HIKESHI: variants seen among roughly 807,000 people sequenced by gnomAD.
HIKESHI encodes protein Hikeshi.
A neutral mutation model predicts 25.7 loss-of-function variants in HIKESHI; 13 were observed. The observed-to-expected ratio is 0.51, with a 90% CI of 0.33 to 0.80. The LOEUF is 0.80. HIKESHI is among the 30% of genes least tolerant of loss of function. HIKESHI has a pLI of 0.02. For synonymous variants in HIKESHI, 76 were observed against 78.7 expected, an observed-to-expected ratio of 0.97 and a Z score of 0.18; for missense variants, 174 against 229.5, an observed-to-expected ratio of 0.76 and a Z score of 1.56.
At chr11:86,344,068 A>G (rs981193729) in intron 3 of HIKESHI, 4 of 152,216 alleles carry the variant, frequency 2.6e-5, no homozygotes, top group Admixed American at 6.5e-5. Flanking sequence ...CAGCAATGGA[A>G]ATAACCAGTT....
rs533957570 is a variant in HIKESHI, at chr11:86,310,431, T to C, written c.268+3949T>C. ...ACATTGATTTTGTATCCTGAGACTT[T>C]GCTGAAGTTGCTTATCAGCTTAAGG... On this transcript the variant is annotated intron_variant, in intron 2 of 4. Transcript: ENST00000278483. Among the ~76,000 whole-genome samples, 16 of 152,364 alleles carry C rather than the reference T, an allele frequency of 1.1e-4. No individual in the cohort carries two copies. In the South Asian group the frequency reaches 3.3e-3, roughly 32 times the overall value.
intron 3 of HIKESHI, among the ~76,000 whole-genome samples, chr11:86,338,161 A>G (rs760915053): frequency 6.6e-5 from 10 of 152,076 alleles, no homozygotes; most frequent in Non-Finnish European, 1.5e-4. Context: ...CCTTTGACCA[A>G]CATGTCCTCA....
intron 2 of HIKESHI, among the ~76,000 whole-genome samples, chr11:86,327,999 T>C (rs1947326236): frequency 6.6e-6 from 1 of 152,186 alleles, no homozygotes; most frequent in Non-Finnish European, 1.5e-5. Context: ...AAAGATACAG[T>C]GTACTTCGTA....
intron 2 of HIKESHI, among the ~76,000 whole-genome samples, chr11:86,333,645 A>G (rs932819227): frequency 1.3e-5 from 2 of 152,216 alleles, no homozygotes; most frequent in African/African-American, 4.8e-5. Flanking sequence ...ATGGACAAGT[A>G]GTAAAGGATG....
intron 3 of HIKESHI, among the ~76,000 whole-genome samples, chr11:86,343,079 A>T (rs1201145294): frequency 1.3e-5 from 2 of 152,270 alleles, no homozygotes; most frequent in East Asian, 3.9e-4. Flanking sequence ...ATGTCTTTCC[A>T]TTGAACATGG....
At chr11:86,308,583 A>ATTTATTTATTTATT (rs1555183547) in intron 2 of HIKESHI, among the ~76,000 whole-genome samples, 3 of 149,392 alleles carry the variant, frequency 2.0e-5, no homozygotes, top group African/African-American at 7.6e-5. Context: ...TTATTTATCT[A>ATTTATTTATTTATT]TAATGCTTTA....
chr11:86,338,567 A>G (rs1006291072), intron 3 of HIKESHI, among the ~76,000 whole-genome samples: 1 of 152,166 alleles, frequency 6.6e-6, no homozygotes, highest in South Asian at 2.1e-4. Context: ...AAAAAAGACT[A>G]CTAAATAAGT....
intron 2 of HIKESHI, among the ~76,000 whole-genome samples, chr11:86,308,275 T>C (rs61904306): frequency 5.6e-5 from 6 of 107,274 alleles, no homozygotes; most frequent in African/African-American, 1.6e-4. Context: ...ATGTGTATTA[T>C]ATATAAAATA....
intron 3 of HIKESHI, among the ~76,000 whole-genome samples, chr11:86,340,555 G>A (rs1947696710): frequency 6.6e-6 from 1 of 151,918 alleles, no homozygotes; most frequent in Non-Finnish European, 1.5e-5. Flanking sequence ...GTCTTCTTTT[G>A]AGAAGTGTCT....
At chr11:86,334,335 TAA>T (rs1298821157) in intron 2 of HIKESHI, among the ~76,000 whole-genome samples, 2 of 151,742 alleles carry the variant, frequency 1.3e-5, no homozygotes, top group African/African-American at 4.8e-5. Flanking sequence ...ATACTGAGAA[TAA>T]AGAACTAGCT....
intron 2 of HIKESHI, among the ~76,000 whole-genome samples, chr11:86,310,949 C>G (rs1232262334): frequency 6.6e-6 from 1 of 152,162 alleles, no homozygotes; most frequent in Non-Finnish European, 1.5e-5. Flanking sequence ...TGATGTGCTG[C>G]TGGATTCGGT....
Position 86,337,296 on chromosome 11 carries a change from A to G in HIKESHI, c.269-83A>G, listed in dbSNP as rs1947590428. The G allele has an allele frequency of 2.3e-6, 3 of 1,324,324 alleles. No individual in the cohort carries two copies. The East Asian group carries it at 7.3e-5, about 32-fold the overall frequency. The allele number at this position is 1,324,324 out of a possible 1,614,324, so 82.0% of individuals were successfully genotyped here. On this transcript the variant is annotated intron_variant, in intron 2 of 4. Coordinates refer to ENST00000278483, the MANE Select transcript of HIKESHI (RefSeq NM_016401.4). ...TAAAACTTTTTCATGTATATAAATTAGAGGTTCTTTATAAATTTACAAAGG... is the reference window on the plus strand; with the variant it reads ...TAAAACTTTTTCATGTATATAAATTGGAGGTTCTTTATAAATTTACAAAGG...
At chr11:86,345,506 G>A (rs1947848847) in intron 4 of HIKESHI, 78 bp from the exon 5 acceptor site, 1 of 795,722 alleles carries the variant, frequency 1.3e-6, no homozygotes, top group African/African-American at 1.8e-5. Flanking sequence ...AATTGTTTTG[G>A]ATAAGTCATT....
intron 3 of HIKESHI, chr11:86,343,780 A>G (rs1011341045): frequency 1.3e-5 from 2 of 152,258 alleles, no homozygotes; most frequent in Non-Finnish European, 2.9e-5. Flanking sequence ...TCTCTTGTGT[A>G]GAGAAGAGAA....
At chr11:86,311,840 A>T (rs1055523578) in intron 2 of HIKESHI, among the ~76,000 whole-genome samples, 1 of 152,042 alleles carries the variant, frequency 6.6e-6, no homozygotes, top group African/African-American at 2.4e-5. Context: ...TCAGGAGCAG[A>T]TTGTTCAATT....
chr11:86,344,649 T>G lies in HIKESHI; in HGVS notation c.467T>G (p.Phe156Cys). 6.2e-7 allele frequency: 1 copy of G among 1,611,066 alleles called. No individual in the cohort carries two copies. The highest frequency in any genetic ancestry group is 8.5e-7 in the Non-Finnish European group (1 of 1,178,124). Residue 156 changes from phenylalanine to cysteine, a missense_variant, in exon 4 of 5, where the codon TTT becomes TGT. Coordinates refer to ENST00000278483, the MANE Select transcript of HIKESHI (RefSeq NM_016401.4). ...AATTTCTACAATTTTGCTTCATCAT[T>G]TGCTGTCTCTCAGGCCCAGATGACA... ...LDNFYNFASS[F>C]AVSQAQMTPS...
rs760191235 is a variant in HIKESHI, at chr11:86,344,678, A to G, written c.496A>G (p.Ser166Gly). The G allele has an allele frequency of 1.2e-6, 2 of 1,612,408 alleles. No individual in the cohort carries two copies. Among genetic ancestry groups the G allele is most frequent in the East Asian group, 2.2e-5 (1 of 44,878 alleles). Residue 166 changes from serine (S) to glycine (G), a missense_variant, in exon 4 of 5, where the codon AGC becomes GGC. Ser to Gly is a moderately conservative substitution (Grantham distance 56). Transcript: ENST00000278483. ...TGTCTCTCAGGCCCAGATGACACCA[A>G]GCCCATCTGAAATGTTCATTCCGGC... ...FAVSQAQMTP[S>G]PSEMFIPANV...
At position 86,302,343 on chromosome 11, in the gene HIKESHI, C is replaced by A; in HGVS notation, c.-106C>A. The A allele has an allele frequency of 7.0e-7, 1 of 1,423,258 alleles. No individual in the cohort carries two copies. The highest frequency in any genetic ancestry group is 9.6e-7 in the Non-Finnish European group (1 of 1,037,958). 88.2% of individuals were successfully genotyped at this position (1,423,258 alleles called of 1,614,324 possible). On this transcript the variant is annotated 5_prime_UTR_variant, in exon 1 of 5. Coordinates refer to ENST00000278483, the MANE Select transcript of HIKESHI (RefSeq NM_016401.4). Reference sequence around the variant, plus strand: ...CACTATGTAGTGGAGGGGCAGACACCCTCCCGCAAATTCTGGAAGGTTCTT... The same window carrying A: ...CACTATGTAGTGGAGGGGCAGACACACTCCCGCAAATTCTGGAAGGTTCTT...
At chr11:86,306,600 C>A in intron 2 of HIKESHI, 118 bp downstream of exon 2, 2 of 609,866 alleles carry the variant, frequency 3.3e-6, no homozygotes, top group Non-Finnish European at 2.8e-6. Flanking sequence ...TAAAGTAATA[C>A]AAAACATTGT....
Sources: allele counts gnomAD v4.1 joint callset (sites outside exome capture counted in the v4.1 genomes callset), GRCh38; gene constraint gnomAD v4.1.1; transcripts MANE v1.5; gene names NCBI Gene and HGNC (gene_info 2026-07-23, HGNC 2026-07-21).